Variants in MSN observed in about 807,000 individuals in gnomAD.
MSN encodes epididymis luminal protein 70.
MSN carries 2 observed loss-of-function variants against 48.0 expected under a neutral mutation model. The ratio of observed to expected loss-of-function variants is 0.04; its 90% confidence interval spans 0.02 to 0.13. The LOEUF is 0.13. MSN is among the 10% of genes least tolerant of loss of function. The probability of loss-of-function intolerance (pLI) is 1.00; values close to 1 mark genes in which losing one functional copy is unlikely to be tolerated. For synonymous variants in MSN, 146 were observed against 166.9 expected (o/e 0.87, Z 0.97); for missense variants, 267 against 470.1 (o/e 0.57, Z 3.99).
intron 1 of MSN, among the ~76,000 whole-genome samples, chrX:65,598,805 G>A (rs979062079): frequency 1.8e-5 from 2 of 112,105 alleles, no homozygotes; most frequent in Admixed American, 1.9e-4. Flanking sequence ...ACTGGCATCA[G>A]GGAGTTTTGC....
At chrX:65,729,780 T>G in intron 4 of MSN, 68 bp downstream of exon 4, 1 of 1,088,550 alleles carries the variant, frequency 9.2e-7, no homozygotes, top group East Asian at 3.1e-5. Flanking sequence ...GACCAATCCC[T>G]GCCTCACAGG....
chrX:65,627,997 A>T (rs956085603), intron 1 of MSN, among the ~76,000 whole-genome samples: 1 of 112,770 alleles, frequency 8.9e-6, no homozygotes, highest in Non-Finnish European at 1.9e-5. Context: ...CAGTTCTCAC[A>T]TCCAGTTCAC....
intron 2 of MSN, among the ~76,000 whole-genome samples, chrX:65,719,935 G>T (rs750710990): frequency 9.0e-6 from 1 of 111,425 alleles, no homozygotes; most frequent in Admixed American, 9.6e-5. Context: ...TGTTAGTGTT[G>T]GTTTGGTTTG....
At chrX:65,663,448 C>CA (rs201058710), upstream of MSN, among the ~76,000 whole-genome samples, 136 of 109,458 alleles carry the variant, frequency 1.2e-3, 1 homozygote, top group African/African-American at 2.3e-3. Flanking sequence ...ATTAAAATGT[C>CA]AAAAAAAACA....
chrX:65,684,361 G>T (rs750154113), intron 1 of MSN, among the ~76,000 whole-genome samples: 4 of 111,535 alleles, frequency 3.6e-5, no homozygotes, highest in African/African-American at 1.3e-4. Flanking sequence ...TGTCAAATCC[G>T]ATTTTAAAGT....
chrX:65,635,933 C>T (rs975766258), intron 1 of MSN, among the ~76,000 whole-genome samples: 7 of 112,154 alleles, frequency 6.2e-5, no homozygotes, highest in Admixed American at 1.9e-4. Context: ...CCAGAGAGGG[C>T]GCTATTAATA....
chrX:65,723,533 G>A (rs781479781), intron 2 of MSN, among the ~76,000 whole-genome samples: 1 of 111,811 alleles, frequency 8.9e-6, no homozygotes, highest in East Asian at 2.8e-4. Flanking sequence ...CTCAGGGATA[G>A]GACCATTTCT....
At position 65,728,332 on chromosome X, in the gene MSN, C is replaced by T. The variant is rs192458529; in HGVS notation, c.192+423C>T. On this transcript the variant is annotated intron_variant, in intron 3 of 12. Transcript: ENST00000360270. ...TGTTTTTGACGGAGTCTCGCACTCT[C>T]GCCCAGGCTGGAGTGCAGTGGTGCC... Among the ~76,000 whole-genome samples the T allele has an allele frequency of 5.1e-3, 565 of 111,254 alleles. 4 individuals carry two copies. Among genetic ancestry groups the T allele is most frequent in the South Asian group, 6.1e-3 (16 of 2,612 alleles).
chrX:65,663,375 C>T (rs988445448), upstream of MSN, among the ~76,000 whole-genome samples: 1 of 110,232 alleles, frequency 9.1e-6, no homozygotes, highest in African/African-American at 3.3e-5. Flanking sequence ...CGGAGAAATG[C>T]AAATCTAACC....
intron 1 of MSN, among the ~76,000 whole-genome samples, chrX:65,645,163 C>T (rs1380664672): frequency 9.0e-6 from 1 of 111,678 alleles, no homozygotes; most frequent in Admixed American, 9.5e-5. Flanking sequence ...CCTAGGCTGG[C>T]AGGCCTTCAG....
At chrX:65,663,987 G>T (rs2070845779), upstream of MSN, among the ~76,000 whole-genome samples, 1 of 107,370 alleles carries the variant, frequency 9.3e-6, no homozygotes, top group Non-Finnish European at 1.9e-5. Context: ...ATGAACCCGG[G>T]AGGCGGAGCT....
chrX:65,661,492 C>T (rs746288724), intron 1 of MSN, among the ~76,000 whole-genome samples: 1 of 112,006 alleles, frequency 8.9e-6, no homozygotes, highest in African/African-American at 3.2e-5. Flanking sequence ...AACTTTTTGA[C>T]GTGCTGCTGG....
intron 1 of MSN, among the ~76,000 whole-genome samples, chrX:65,694,083 A>T (rs12013454): frequency 9.0e-6 from 1 of 110,504 alleles, no homozygotes; most frequent in African/African-American, 3.3e-5. Context: ...AACAAAAAAA[A>T]AAAACAAAAC....
chrX:65,592,442 C>A (rs997890745), intron 1 of MSN, among the ~76,000 whole-genome samples: 1 of 109,051 alleles, frequency 9.2e-6, no homozygotes, highest in Non-Finnish European at 1.9e-5. Flanking sequence ...GATCTGCCCA[C>A]CTCGGCCTTC....
chrX:65,730,784 A>G (rs2071614698), intron 4 of MSN, among the ~76,000 whole-genome samples: 1 of 111,133 alleles, frequency 9.0e-6, no homozygotes, highest in South Asian at 3.8e-4. Flanking sequence ...GTTAGCCCCT[A>G]AAGTCAGCAC....
At chrX:65,590,108 G>A (rs996956308) in intron 1 of MSN, among the ~76,000 whole-genome samples, 1 of 110,680 alleles carries the variant, frequency 9.0e-6, no homozygotes, top group African/African-American at 3.3e-5. Context: ...AGCCACCGGG[G>A]CCGGCCAAGA....
At position 65,716,896 on chromosome X, in the gene MSN, G is replaced by A. The variant is rs776735098; in HGVS notation, c.91G>A (p.Asp31Asn). ...CAACACCACCGGGAAGCAGCTATTT[G>A]ACCAGGTAAGGCGGAGACTCCTTAG... ...QPNTTGKQLF[D>N]QVVKTIGLRE... Residue 31 changes from aspartate to asparagine, a missense_variant, in exon 2 of 13, where the codon GAC becomes AAC. Transcript: ENST00000360270. 8.3e-7 allele frequency: 1 copy of A among 1,209,020 alleles called. No homozygotes were observed. Among genetic ancestry groups the A allele is most frequent in the Non-Finnish European group, 1.1e-6 (1 of 894,041 alleles).
At chrX:65,654,046 G>A (rs1363785837) in intron 1 of MSN, among the ~76,000 whole-genome samples, 3 of 108,167 alleles carry the variant, frequency 2.8e-5, no homozygotes, top group Non-Finnish European at 5.7e-5. Context: ...AGTGTGCTGG[G>A]ATTACATGCG....
chrX:65,596,138 A>G (rs1486300132), intron 1 of MSN, among the ~76,000 whole-genome samples: 1 of 110,947 alleles, frequency 9.0e-6, no homozygotes, highest in African/African-American at 3.3e-5. Flanking sequence ...ACCTGAAGCC[A>G]CAGAGTAAAT....
Sources: gnomAD v4.1 joint callset for allele counts (sites outside exome capture counted in the v4.1 genomes callset) on GRCh38, gnomAD v4.1.1 for gene constraint, MANE v1.5 for transcripts, NCBI Gene and HGNC (gene_info 2026-07-23, HGNC 2026-07-21) for gene names.